MAF: variants seen among roughly 807,000 people sequenced by gnomAD.
MAF encodes MAF bZIP transcription factor.
MAF carries 10 observed loss-of-function variants against 22.0 expected under a neutral mutation model. That is an observed-to-expected ratio of 0.45 (90% CI 0.28 to 0.77). MAF has a LOEUF of 0.77. Ranked by LOEUF, MAF falls within the 30% of genes least tolerant of loss-of-function variation. The pLI is 0.12. For missense variants in MAF, 544 were observed against 548.4 expected, an observed-to-expected ratio of 0.99 and a Z score of 0.08; for synonymous variants, 337 against 255.8, an observed-to-expected ratio of 1.32 and a Z score of -3.03.
the MAF span, among the ~76,000 whole-genome samples, chr16:79,402,544 T>A: frequency 2.0e-5 from 3 of 152,054 alleles, no homozygotes; most frequent in South Asian, 2.1e-4. Context: ...GGTGGGGCGC[T>A]GGGTGGGGCC....
chr16:79,509,777 C>T, the MAF span, among the ~76,000 whole-genome samples: 5 of 152,188 alleles, frequency 3.3e-5, no homozygotes, highest in Non-Finnish European at 4.4e-5. Flanking sequence ...CACTGTTATC[C>T]ACAAAAGCAC....
chr16:79,561,842 G>C, the MAF span, among the ~76,000 whole-genome samples: 1 of 152,146 alleles, frequency 6.6e-6, no homozygotes, highest in Non-Finnish European at 1.5e-5. Flanking sequence ...TCCAAAGCTA[G>C]GATTAACCAA....
chr16:79,514,522 C>T, the MAF span, among the ~76,000 whole-genome samples: 1 of 152,124 alleles, frequency 6.6e-6, no homozygotes, highest in Admixed American at 6.5e-5. Context: ...AGCTTATGAC[C>T]CAGAGCTTTG....
chr16:79,540,561 G>C, the MAF span, among the ~76,000 whole-genome samples: 184 of 152,282 alleles, frequency 1.2e-3, 1 homozygote, highest in African/African-American at 3.9e-3. Context: ...CCCTGCTCAT[G>C]GTCAACAATG....
intron 1 of MAF, chr16:79,596,238 T>C: frequency 9.4e-7 from 1 of 1,060,200 alleles, no homozygotes; most frequent in African/African-American, 1.6e-5. Flanking sequence ...GCTCAACTCA[T>C]TTGAAAACTG....
the MAF span, among the ~76,000 whole-genome samples, chr16:79,471,311 A>G: frequency 1.3e-5 from 2 of 152,180 alleles, no homozygotes; most frequent in African/African-American, 4.8e-5. Context: ...AGAACCCTCA[A>G]CTCCAAATTC....
chr16:79,274,551 A>C, the MAF span, among the ~76,000 whole-genome samples: 3 of 152,110 alleles, frequency 2.0e-5, no homozygotes, highest in African/African-American at 7.2e-5. Context: ...TCTAAGTACA[A>C]AGTCTAGTCA....
chr16:79,527,815 T>C, the MAF span, among the ~76,000 whole-genome samples: 2 of 152,082 alleles, frequency 1.3e-5, no homozygotes, highest in Non-Finnish European at 2.9e-5. Flanking sequence ...AACATGTTGG[T>C]TCAAGAAAAA....
At chr16:79,482,170 T>A in the MAF span, among the ~76,000 whole-genome samples, 1 of 152,214 alleles carries the variant, frequency 6.6e-6, no homozygotes, top group African/African-American at 2.4e-5. Context: ...GAGCAGAACC[T>A]ATCCTGGTTT....
the MAF span, among the ~76,000 whole-genome samples, chr16:79,519,684 C>G: frequency 2.0e-5 from 3 of 152,340 alleles, no homozygotes; most frequent in Middle Eastern, 3.4e-3. Context: ...CTCGTATACC[C>G]AAGTATCCTG....
chr16:79,502,729 AT>A, the MAF span, among the ~76,000 whole-genome samples: 17 of 106,550 alleles, frequency 1.6e-4, 1 homozygote, highest in African/African-American at 7.6e-4. Flanking sequence ...ATATATATAT[AT>A]ATATATATAT....
At chr16:79,453,730 G>A in the MAF span, among the ~76,000 whole-genome samples, 1 of 152,170 alleles carries the variant, frequency 6.6e-6, no homozygotes, top group African/African-American at 2.4e-5. Flanking sequence ...GATTTGAACA[G>A]CACCAATAGA....
the MAF span, among the ~76,000 whole-genome samples, chr16:79,379,874 G>T: frequency 6.6e-6 from 1 of 152,170 alleles, no homozygotes; most frequent in Non-Finnish European, 1.5e-5. Flanking sequence ...TGAGGACTCA[G>T]TGAATGAGAA....
chr16:79,232,929 C>A, the MAF span, among the ~76,000 whole-genome samples: 7 of 150,710 alleles, frequency 4.6e-5, no homozygotes, highest in East Asian at 5.9e-4. Flanking sequence ...CAAGCTCTGC[C>A]TCCCGGGTTC....
chr16:79,256,791 C>G, the MAF span, among the ~76,000 whole-genome samples: 2 of 152,098 alleles, frequency 1.3e-5, no homozygotes, highest in African/African-American at 4.8e-5. Context: ...ACATTTTAAG[C>G]CTTAAAAATC....
At chr16:79,256,046 A>C in the MAF span, among the ~76,000 whole-genome samples, 5 of 130,750 alleles carry the variant, frequency 3.8e-5, no homozygotes, top group African/African-American at 1.5e-4. Context: ...CTGTGGTGCG[A>C]TCTCAGCTCA....
chr16:79,441,171 A>T, the MAF span, among the ~76,000 whole-genome samples: 1 of 152,210 alleles, frequency 6.6e-6, no homozygotes, highest in Non-Finnish European at 1.5e-5. Context: ...AGCTACTTAC[A>T]CCATTGCACA....
the MAF span, among the ~76,000 whole-genome samples, chr16:79,480,189 C>T: frequency 1.3e-5 from 2 of 152,160 alleles, no homozygotes; most frequent in African/African-American, 2.4e-5. Flanking sequence ...AGTATCCACT[C>T]GTTGGAGCTA....
chr16:79,598,455 T>TAAA (rs533404316), intron 1 of MAF: 80,699 of 1,069,560 alleles, frequency 0.075, 540 homozygotes, highest in Admixed American at 0.13. Context: ...CGGGGGGGTG[T>TAAA]AAAAAAAAAA....
Sources: allele counts gnomAD v4.1 joint callset (sites outside exome capture counted in the v4.1 genomes callset), GRCh38; gene constraint gnomAD v4.1.1; transcripts MANE v1.5; gene names NCBI Gene and HGNC (gene_info 2026-07-23, HGNC 2026-07-21).